The following AK6 variants were observed in gnomAD, a reference collection of about 807,000 sequenced individuals.
AK6 encodes adenylate kinase 6.
Under a neutral mutation model 23.7 loss-of-function variants are expected in AK6, and 24 were observed. The observed-to-expected ratio is 1.01, with a 90% confidence interval of 0.73 to 1.43. AK6 has a LOEUF of 1.43. AK6 is among the 40% of genes most tolerant of loss of function. The pLI is 0.00. For synonymous variants in AK6, 73 were observed against 69.8 expected (o/e 1.05, Z -0.23); for missense variants, 191 against 199.1 (o/e 0.96, Z 0.24).
At chr5:69,368,501 T>C (rs1762617623) in intron 1 of AK6, among the ~76,000 whole-genome samples, 1 of 152,184 alleles carries the variant, frequency 6.6e-6, no homozygotes, top group African/African-American at 2.4e-5. Context: ...GGCACTATGT[T>C]TGATCCATGC....
intron 2 of AK6, among the ~76,000 whole-genome samples, chr5:69,356,299 G>C (rs1762082341): frequency 6.6e-6 from 1 of 152,110 alleles, no homozygotes; most frequent in Admixed American, 6.5e-5. Context: ...TTGGCGGGAA[G>C]AGGAAACACC....
At position 69,369,460 on chromosome 5, in the gene AK6, G is replaced by A. The variant is rs780634017; in HGVS notation, c.28+3C>T. ...CCAGTCCCTCCCGGCCGCGCGCCCT[G>A]ACCGGTGAGCAGGATGTTCGGAAGC... is the stretch of plus-strand genomic sequence containing the variant. On this transcript the variant is annotated splice_donor_region_variant and intron_variant, in intron 1 of 4. Transcript: ENST00000380822. 6.2e-7 allele frequency: 1 copy of A among 1,610,328 alleles called. No individual in the cohort carries two copies. Among genetic ancestry groups the A allele is most frequent in the Admixed American group, 1.7e-5 (1 of 59,906 alleles).
chr5:69,364,877 T>C (rs760936962), intron 2 of AK6: 1 of 1,391,618 alleles, frequency 7.2e-7, no homozygotes, highest in Non-Finnish European at 9.8e-7. Context: ...ACATCCAGCA[T>C]GCATGTTTAA....
chr5:69,365,830 TAAA>T (rs1240027036), intron 2 of AK6: 16 of 1,115,246 alleles, frequency 1.4e-5, no homozygotes, highest in Non-Finnish European at 1.9e-5. Context: ...GTCAGGAACT[TAAA>T]AAAATTTTAA....
In AK6 at chr5:69,369,503, G is replaced by T; in HGVS notation, c.-13C>A. The T allele has an allele frequency of 6.2e-7, 1 of 1,611,334 alleles. No individual in the cohort carries two copies. Among genetic ancestry groups the T allele is most frequent in the Non-Finnish European group, 8.5e-7 (1 of 1,179,254 alleles). On this transcript the variant is annotated 5_prime_UTR_variant, in exon 1 of 5. Coordinates refer to ENST00000380822, the MANE Select transcript of AK6 (RefSeq NM_016283.5). ...TCGGAAGCAACATGGTCCCCGCCGC[G>T]ACGGCTTCGGGCGCCTCGCTCACGT...
intron 2 of AK6, among the ~76,000 whole-genome samples, chr5:69,357,489 T>C (rs1762113476): frequency 6.6e-6 from 1 of 152,244 alleles, no homozygotes; most frequent in Admixed American, 6.5e-5. Flanking sequence ...ATTTAAAATG[T>C]TGACTCTCTG....
At chr5:69,360,292 T>G (rs988251944) in intron 2 of AK6, among the ~76,000 whole-genome samples, 3 of 151,998 alleles carry the variant, frequency 2.0e-5, no homozygotes, top group Admixed American at 1.3e-4. Flanking sequence ...GAAATAGGGG[T>G]ACTGTAGGGA....
Position 69,369,468 on chromosome 5 carries a change from A to C in AK6, c.23T>G (p.Leu8Arg). Reference protein sequence around the residue: MLLPNILLTGTPGVGKTT... With the variant: MLLPNILRTGTPGVGKTT... ...TCCCGGCCGCGCGCCCTGACCGGTG[A>C]GCAGGATGTTCGGAAGCAACATGGT... The change falls in exon 1 of 5, where the codon CTC becomes CGC. Residue 8 changes from leucine (L) to arginine (R), a missense_variant. Transcript: ENST00000380822. The C allele has an allele frequency of 6.2e-7, 1 of 1,610,716 alleles. No individual in the cohort carries two copies. The highest frequency in any genetic ancestry group is 8.5e-7 in the Non-Finnish European group (1 of 1,179,188).
At chr5:69,362,713 C>T (rs965339840) in intron 2 of AK6, among the ~76,000 whole-genome samples, 1 of 152,032 alleles carries the variant, frequency 6.6e-6, no homozygotes, top group Non-Finnish European at 1.5e-5. Context: ...TGCCACTGCA[C>T]TCCAGCCTGG....
chr5:69,366,637 A>G lies in AK6; in HGVS notation c.29-42T>C, dbSNP rs757653790. On this transcript the variant is annotated intron_variant, in intron 1 of 4. Coordinates refer to ENST00000380822, the MANE Select transcript of AK6 (RefSeq NM_016283.5). Reference sequence around the variant, plus strand: ...AGAAAAATACTGTTTGTGAAATACTACTTATCACACTGCGGTCCACCTTCT... The same window carrying G: ...AGAAAAATACTGTTTGTGAAATACTGCTTATCACACTGCGGTCCACCTTCT... 7.4e-6 allele frequency: 10 copies of G among 1,344,134 alleles called. No individual in the cohort carries two copies. The African/African-American group carries it at 1.4e-4, about 19-fold the overall frequency. 83.3% of individuals were successfully genotyped at this position (1,344,134 alleles called of 1,614,324 possible).
chr5:69,359,455 G>T (rs1051062820), intron 2 of AK6, among the ~76,000 whole-genome samples: 2 of 152,044 alleles, frequency 1.3e-5, no homozygotes, highest in African/African-American at 4.8e-5. Context: ...ATGTTGGCCA[G>T]GCTGGTCTTG....
At chr5:69,368,671 A>C (rs907751115) in intron 1 of AK6, among the ~76,000 whole-genome samples, 2 of 152,164 alleles carry the variant, frequency 1.3e-5, no homozygotes, top group African/African-American at 4.8e-5. Context: ...AAAGAGTCTT[A>C]ATTTTTCTGT....
rs2150727532 is a variant in AK6 at position 69,351,731 on chromosome 5, T to C, written c.*330A>G. 1 of 193,688 alleles carries C rather than the reference T, an allele frequency of 5.2e-6. No homozygotes were observed. The highest frequency in any genetic ancestry group is 1.9e-4 in the South Asian group (1 of 5,218). 12.0% of individuals were successfully genotyped at this position (193,688 alleles called of 1,614,324 possible). A position where few individuals can be genotyped will look rare whatever the true frequency, so the allele number is the denominator to read the frequency against. On this transcript the variant is annotated 3_prime_UTR_variant, in exon 5 of 5. Coordinates refer to ENST00000380822, the MANE Select transcript of AK6 (RefSeq NM_016283.5). ...AAGAAAAAAGGAATACTCTGTTGCT[T>C]TATCTTTAGTTTTATTTTAAGAGAT...
Position 69,351,871 on chromosome 5 carries a change from A to C in AK6, c.*190T>G, listed in dbSNP as rs867971120. The C allele has an allele frequency of 1.2e-5, 5 of 408,132 alleles. No individual in the cohort carries two copies. Among genetic ancestry groups the C allele is most frequent in the African/African-American group, 2.0e-5 (1 of 48,842 alleles). The allele number at this position is 408,132 out of a possible 1,614,324, so 25.3% of individuals were successfully genotyped here. On this transcript the variant is annotated 3_prime_UTR_variant, in exon 5 of 5. Coordinates refer to ENST00000380822, the MANE Select transcript of AK6 (RefSeq NM_016283.5). Reference sequence around the variant, plus strand: ...ACAGTTTTTGTCTCAATCCTTAATAATACTATATTCATTATATTTCATGTT... The same window carrying C: ...ACAGTTTTTGTCTCAATCCTTAATACTACTATATTCATTATATTTCATGTT...
At chr5:69,366,811 T>C in intron 1 of AK6, 1 of 526,074 alleles carries the variant, frequency 1.9e-6, no homozygotes, top group Non-Finnish European at 3.4e-6. Context: ...CAGGCTGGAG[T>C]GCAGTGGCAC....
intron 1 of AK6, among the ~76,000 whole-genome samples, chr5:69,368,465 AG>A (rs1431227912): frequency 2.6e-5 from 4 of 152,320 alleles, no homozygotes; most frequent in South Asian, 2.1e-4. Flanking sequence ...TTCACTTTAA[AG>A]TTTTGACAAT....
intron 1 of AK6, 128 bp from the exon 2 acceptor site, chr5:69,366,723 C>T (rs987287636): frequency 1.5e-5 from 10 of 682,694 alleles, no homozygotes; most frequent in South Asian, 1.1e-4. Flanking sequence ...AAGTTCTTGA[C>T]GACTGAAATG....
upstream of AK6, chr5:69,369,552 C>T: frequency 8.1e-6 from 13 of 1,609,428 alleles, no homozygotes; most frequent in South Asian, 1.1e-5. Flanking sequence ...CAGGGAGGAG[C>T]CGGAAGGGGC....
intron 4 of AK6, among the ~76,000 whole-genome samples, chr5:69,353,959 C>T (rs1164304716): frequency 6.6e-6 from 1 of 151,836 alleles, no homozygotes; most frequent in Non-Finnish European, 1.5e-5. Flanking sequence ...TTGTAGAGAC[C>T]AAGGTCTTGC....
Sources: allele counts gnomAD v4.1 joint callset (sites outside exome capture counted in the v4.1 genomes callset), GRCh38; gene constraint gnomAD v4.1.1; transcripts MANE v1.5; gene names NCBI Gene and HGNC (gene_info 2026-07-23, HGNC 2026-07-21).